The following SCN10A variants were observed in gnomAD, a reference collection of about 807,000 sequenced individuals.
SCN10A encodes sodium channel protein type 10 subunit alpha.
A neutral mutation model predicts 170.7 loss-of-function variants in SCN10A; 162 were observed. The observed-to-expected ratio is 0.95, with a 90% CI of 0.84 to 1.08. SCN10A has a LOEUF of 1.08. Ranked by LOEUF, SCN10A falls within the 50% of genes least tolerant of loss-of-function variation. The pLI is 0.00. For synonymous variants in SCN10A, 985 were observed against 904.6 expected, an observed-to-expected ratio of 1.09 and a Z score of -1.59; for missense variants, 2,527 against 2,436.9, an observed-to-expected ratio of 1.04 and a Z score of -0.78.
intron 8 of SCN10A, among the ~76,000 whole-genome samples, chr3:38,758,873 G>T (rs1478804286): frequency 6.6e-6 from 1 of 152,178 alleles, no homozygotes; most frequent in African/African-American, 2.4e-5. Flanking sequence ...AAAAGGACTT[G>T]AGCTGCTCTG....
intron 4 of SCN10A, among the ~76,000 whole-genome samples, chr3:38,773,883 A>T (rs2064039294): frequency 6.6e-6 from 1 of 152,194 alleles, no homozygotes; most frequent in South Asian, 2.1e-4. Flanking sequence ...AACATCAGAA[A>T]TTGAAAAATT....
At chr3:38,698,772 G>A (rs796227008) in intron 27 of SCN10A, among the ~76,000 whole-genome samples, 17 of 152,194 alleles carry the variant, frequency 1.1e-4, no homozygotes, top group South Asian at 6.2e-4. Context: ...TTCCTCCTCC[G>A]TCTTACCCTT....
intron 6 of SCN10A, among the ~76,000 whole-genome samples, chr3:38,761,833 TGTGTGAGAGA>T (rs1559450627): frequency 7.5e-6 from 1 of 134,024 alleles, no homozygotes; most frequent in Admixed American, 7.3e-5. Context: ...TGTGTGTGTG[TGTGTGAGAGA>T]GAGAGAGAGA....
At chr3:38,770,366 A>G (rs1448276210) in intron 5 of SCN10A, among the ~76,000 whole-genome samples, 1 of 152,114 alleles carries the variant, frequency 6.6e-6, no homozygotes, top group Non-Finnish European at 1.5e-5. Flanking sequence ...GGGAAATACC[A>G]TCAGGTGGGG....
At chr3:38,777,034 A>G (rs2064084232) in intron 4 of SCN10A, among the ~76,000 whole-genome samples, 1 of 152,052 alleles carries the variant, frequency 6.6e-6, no homozygotes, top group Non-Finnish European at 1.5e-5. Context: ...TTGATATAAA[A>G]AGTAATTATG....
rs546004301 is a variant in SCN10A, at chr3:38,758,693, G to A, written c.951-1534C>T. ...AGAGGACCCAGGTTTAGCTTTCACG[G>A]CATGCCCCGGCAGGGTTCACTCTGT... is the stretch of plus-strand genomic sequence containing the variant. On this transcript the variant is annotated intron_variant, in intron 8 of 27. Transcript: ENST00000449082. 3.3e-5 allele frequency among the ~76,000 whole-genome samples: 5 copies of A among 152,260 alleles called. No individual in the cohort carries two copies. The East Asian group carries it at 9.7e-4, about 29-fold the overall frequency.
At chr3:38,733,672 T>G (rs2063532420) in intron 15 of SCN10A, among the ~76,000 whole-genome samples, 1 of 152,082 alleles carries the variant, frequency 6.6e-6, no homozygotes, top group Non-Finnish European at 1.5e-5. Context: ...CGTGCCATCA[T>G]GCCCAGCTAA....
Position 38,696,952 on chromosome 3 carries a change from G to T in SCN10A, c.*397C>A, listed in dbSNP as rs970241631. 2 of 218,058 alleles carry T rather than the reference G, an allele frequency of 9.2e-6. No individual in the cohort carries two copies. The highest frequency in any genetic ancestry group is 2.0e-4 in the East Asian group (2 of 10,130). The allele number at this position is 218,058 out of a possible 1,614,324, so 13.5% of individuals were successfully genotyped here. ...TAAATAATATTGCCAATCTCTGTAT[G>T]GTGCTCCACAGAGGACTACCTTGGA... is the stretch of plus-strand genomic sequence containing the variant. On this transcript the variant is annotated 3_prime_UTR_variant, in exon 28 of 28. Transcript: ENST00000449082.
At chr3:38,746,847 G>A (rs1330410636) in intron 13 of SCN10A, among the ~76,000 whole-genome samples, 1 of 152,148 alleles carries the variant, frequency 6.6e-6, no homozygotes, top group Non-Finnish European at 1.5e-5. Context: ...CCCAGCTTCT[G>A]GAATTCTGGC....
At chr3:38,761,431 A>T in intron 6 of SCN10A, 48 bp from the exon 7 acceptor site, 1 of 1,503,950 alleles carries the variant, frequency 6.6e-7, no homozygotes. Flanking sequence ...GGTAGCACAC[A>T]CGGAGCACAC....
rs374341474 is a variant in SCN10A, at chr3:38,739,529, G to T, written c.2266C>A (p.Arg756=). 3.1e-6 allele frequency: 5 copies of T among 1,613,736 alleles called. No homozygotes were observed. The South Asian group carries it at 5.5e-5, about 18-fold the overall frequency. ...AAAAACATTACCAAGCGGAAGCTCC[G>T]CAGCACAGACAGGCTTCCCTTCTTG... ...VAKKGSLSVL[R]SFRLLRVFKL... Residue 756 remains arginine, a synonymous_variant, in exon 15 of 28, where the codon CGG becomes AGG. Coordinates refer to ENST00000449082, the MANE Select transcript of SCN10A (RefSeq NM_006514.4).
At chr3:38,812,732 T>C (rs2064448942) in intron 1 of SCN10A, among the ~76,000 whole-genome samples, 1 of 152,064 alleles carries the variant, frequency 6.6e-6, no homozygotes, top group Non-Finnish European at 1.5e-5. Flanking sequence ...CTCTCTTCTA[T>C]CTATCTAAAG....
rs923468188 is a variant in SCN10A, at chr3:38,714,131, T to C, written c.3682-51A>G. The C allele has an allele frequency of 2.5e-6, 4 of 1,603,862 alleles. No homozygotes were observed. In the African/African-American group the frequency reaches 4.0e-5, roughly 16 times the overall value. ...TCACTCTAGGTTTCCAGAAAGGCAG[T>C]CCTCGTGGAAGGAGACAGGAACTCC... On this transcript the variant is annotated intron_variant, in intron 21 of 27. Transcript: ENST00000449082.
rs750830318 is a variant in SCN10A, at chr3:38,763,566, C to T, written c.630G>A (p.Gly210=). Reference sequence around the variant, plus strand: ...CTCTGAATGTCCGCAGGCCTGAGATCCCACGGAGATCTATTGCTGTGCCAA... The same window carrying T: ...CTCTGAATGTCCGCAGGCCTGAGATTCCACGGAGATCTATTGCTGTGCCAA... ...AYVGTAIDLR[G]ISGLRTFRVL... Residue 210 remains glycine (G), a synonymous_variant, in exon 6 of 28, where the codon GGG becomes GGA. Transcript: ENST00000449082. The T allele has an allele frequency of 5.6e-6, 9 of 1,614,036 alleles. No individual in the cohort carries two copies. The highest frequency in any genetic ancestry group is 7.6e-6 in the Non-Finnish European group (9 of 1,179,934).
chr3:38,716,641 A>C (rs1484631528), intron 21 of SCN10A, among the ~76,000 whole-genome samples: 1 of 152,228 alleles, frequency 6.6e-6, no homozygotes, highest in East Asian at 1.9e-4. Flanking sequence ...TTAAAATTTT[A>C]AAAGATAACA....
chr3:38,697,435 T>G lies in SCN10A; in HGVS notation c.5785A>C (p.Ser1929Arg). ...GATGTCCTCATGTTGACTCTATCAC[T>G]AAGGCCTCTAGTGACACTCTCATAG... ...PSYESVTRGLSDRVNMRTSSS... is the reference protein window; with the variant it reads ...PSYESVTRGLRDRVNMRTSSS... Residue 1929 changes from serine (S) to arginine (R), a missense_variant, in exon 28 of 28, where the codon AGT becomes CGT. Transcript: ENST00000449082. The G allele has an allele frequency of 6.2e-7, 1 of 1,614,234 alleles. No homozygotes were observed. Among genetic ancestry groups the G allele is most frequent in the African/African-American group, 1.3e-5 (1 of 75,066 alleles).
Position 38,752,239 on chromosome 3 carries a change from G to A in SCN10A, c.1735C>T (p.Pro579Ser), listed in dbSNP as rs1438129268. The change falls in exon 12 of 28, where the codon CCT becomes TCT. Residue 579 changes from proline (P) to serine (S), a missense_variant. By Grantham distance (74) the Pro-to-Ser change is moderately conservative (BLOSUM62 -1). Coordinates refer to ENST00000449082, the MANE Select transcript of SCN10A (RefSeq NM_006514.4). ...CTCACCGAGACATCGACAGCTCCAG[G>A]GGCAAGCTCACTAGTGGGCGGCGGT... ...HQPPPTSELA[P>S]GAVDVSAFDA... 4 of 1,541,256 alleles carry A rather than the reference G, an allele frequency of 2.6e-6. No individual in the cohort carries two copies. The highest frequency in any genetic ancestry group is 1.3e-5 in the South Asian group (1 of 79,738).
Position 38,763,694 on chromosome 3 carries a change from A to G in SCN10A, c.600-98T>C, listed in dbSNP as rs960256862. On this transcript the variant is annotated intron_variant, in intron 5 of 27. Coordinates refer to ENST00000449082, the MANE Select transcript of SCN10A (RefSeq NM_006514.4). Reference sequence around the variant, plus strand: ...AACCTGGGGTATCATTAGCCTAGAAAGGATGCAGAATGGACACTTAGAATC... The same window carrying G: ...AACCTGGGGTATCATTAGCCTAGAAGGGATGCAGAATGGACACTTAGAATC... The G allele has an allele frequency of 1.5e-5, 13 of 845,310 alleles. 1 individual carries two copies. Among genetic ancestry groups the G allele is most frequent in the Admixed American group, 1.3e-4 (7 of 53,734 alleles). 52.4% of individuals were successfully genotyped at this position (845,310 alleles called of 1,614,324 possible). A position where few individuals can be genotyped will look rare whatever the true frequency, so the allele number is the denominator to read the frequency against.
chr3:38,714,213 C>T (rs1409389985), intron 21 of SCN10A, 133 bp from the exon 22 acceptor site: 15 of 1,058,768 alleles, frequency 1.4e-5, no homozygotes, highest in Admixed American at 7.3e-5. Flanking sequence ...CCACCTTATT[C>T]GGAACTCCAA....
Sources: allele counts gnomAD v4.1 joint callset (sites outside exome capture counted in the v4.1 genomes callset), GRCh38; gene constraint gnomAD v4.1.1; transcripts MANE v1.5; gene names NCBI Gene and HGNC (gene_info 2026-07-23, HGNC 2026-07-21).